CDH4: variants seen among roughly 807,000 people sequenced by gnomAD.
CDH4 encodes cadherin 4.
Under a neutral mutation model 86.0 loss-of-function variants are expected in CDH4, and 33 were observed. The observed-to-expected ratio is 0.38, with a 90% CI of 0.29 to 0.51. CDH4 has a LOEUF of 0.51. CDH4 is among the 20% of genes least tolerant of loss of function. The pLI is 0.86. For synonymous variants in CDH4, 555 were observed against 549.4 expected (o/e 1.01, Z -0.14); for missense variants, 1,114 against 1,307.4 (o/e 0.85, Z 2.28).
At chr20:61,294,453 C>T (rs1568785648) in intron 2 of CDH4, among the ~76,000 whole-genome samples, 1 of 152,188 alleles carries the variant, frequency 6.6e-6, no homozygotes, top group South Asian at 2.1e-4. Context: ...ATCCTACTCA[C>T]AGCTCCCAGA....
chr20:61,628,444 T>C (rs1272504019), intron 2 of CDH4, among the ~76,000 whole-genome samples: 1 of 152,178 alleles, frequency 6.6e-6, no homozygotes, highest in African/African-American at 2.4e-5. Flanking sequence ...CATTCATTCA[T>C]TCATTCATTC....
intron 4 of CDH4, among the ~76,000 whole-genome samples, chr20:61,827,762 C>T (rs1370201890): frequency 6.6e-6 from 1 of 152,172 alleles, no homozygotes; most frequent in Non-Finnish European, 1.5e-5. Context: ...AACACTTTGT[C>T]ACACCAGCAG....
At chr20:61,878,864 G>A (rs74731941) in intron 7 of CDH4, among the ~76,000 whole-genome samples, 3,055 of 152,272 alleles carry the variant, frequency 0.02, 116 homozygotes, top group African/African-American at 0.069. Flanking sequence ...AAGACTCGGC[G>A]GGGGTGTGCC....
chr20:61,724,334 T>A (rs2088084812), intron 2 of CDH4, among the ~76,000 whole-genome samples: 1 of 152,174 alleles, frequency 6.6e-6, no homozygotes, highest in Non-Finnish European at 1.5e-5. Flanking sequence ...AGCCAGCGCC[T>A]GTGTTGTAGG....
chr20:61,632,052 G>A (rs1204043582), intron 2 of CDH4, among the ~76,000 whole-genome samples: 2 of 152,242 alleles, frequency 1.3e-5, no homozygotes, highest in African/African-American at 4.8e-5. Flanking sequence ...CTGCTGACAC[G>A]TCAGATCATC....
chr20:61,718,671 C>T lies in CDH4; in HGVS notation c.170-24892C>T, dbSNP rs149954461. The T allele has an allele frequency of 9.1e-3, 3,573 of 391,600 alleles. 98 individuals carry two copies. The highest frequency in any genetic ancestry group is 0.036 in the Middle Eastern group (96 of 2,674). The allele number at this position is 391,600 out of a possible 1,614,324, so 24.3% of individuals were successfully genotyped here. A position where few individuals can be genotyped will look rare whatever the true frequency, so the allele number is the denominator to read the frequency against. On this transcript the variant is annotated intron_variant, in intron 2 of 15. Coordinates refer to ENST00000614565, the MANE Select transcript of CDH4 (RefSeq NM_001794.5). ...AATGGGACATTAACTTGAACCGAAGCCAGAGGAGCCTGCATGACACTGTGT... is the reference window on the plus strand; with the variant it reads ...AATGGGACATTAACTTGAACCGAAGTCAGAGGAGCCTGCATGACACTGTGT...
chr20:61,495,338 A>C (rs2085653033), intron 2 of CDH4, among the ~76,000 whole-genome samples: 1 of 152,156 alleles, frequency 6.6e-6, no homozygotes, highest in African/African-American at 2.4e-5. Context: ...ACAGCCTACG[A>C]ACCCCCAGGA....
intron 2 of CDH4, among the ~76,000 whole-genome samples, chr20:61,569,182 A>G (rs1371380405): frequency 6.6e-6 from 1 of 152,126 alleles, no homozygotes; most frequent in African/African-American, 2.4e-5. Context: ...AATGGGCCTC[A>G]TATTGCTCGC....
intron 2 of CDH4, among the ~76,000 whole-genome samples, chr20:61,535,848 T>C (rs1377534754): frequency 1.3e-5 from 2 of 152,212 alleles, no homozygotes; most frequent in Non-Finnish European, 2.9e-5. Context: ...TCGAACCCCC[T>C]GTTCCCGCTC....
intron 2 of CDH4, among the ~76,000 whole-genome samples, chr20:61,379,218 C>T (rs6121550): frequency 0.25 from 37,368 of 151,782 alleles, 4,983 homozygotes; most frequent in African/African-American, 0.34. Flanking sequence ...ATCTGCTCCT[C>T]GGAAGGGTCT....
rs886740879 is a variant in CDH4 at position 61,602,431 on chromosome 20, G to A, written c.170-141132G>A. Among the ~76,000 whole-genome samples the A allele has an allele frequency of 2.6e-5, 4 of 152,236 alleles. No homozygotes were observed. In the South Asian group the frequency reaches 8.3e-4, roughly 32 times the overall value. On this transcript the variant is annotated intron_variant, in intron 2 of 15. Coordinates refer to ENST00000614565, the MANE Select transcript of CDH4 (RefSeq NM_001794.5). The stretch of plus-strand genomic sequence containing the variant: ...GGGACTCCACTGTCATGAACAGCTG[G>A]ATGGACATCTTGGTGTAACAGGCCT...
chr20:61,759,005 A>G (rs1190286319), intron 3 of CDH4, among the ~76,000 whole-genome samples: 1 of 152,162 alleles, frequency 6.6e-6, no homozygotes, highest in Non-Finnish European at 1.5e-5. Flanking sequence ...GTGTATGCCC[A>G]CTTGTGAGTA....
chr20:61,851,258 G>A (rs1422342925), intron 5 of CDH4, among the ~76,000 whole-genome samples: 1 of 152,224 alleles, frequency 6.6e-6, no homozygotes, highest in Non-Finnish European at 1.5e-5. Context: ...CCTTACTACA[G>A]CACAGATTGC....
Position 61,709,152 on chromosome 20 carries a change from G to A in CDH4, c.170-34411G>A, listed in dbSNP as rs943510742. On this transcript the variant is annotated intron_variant, in intron 2 of 15. Coordinates refer to ENST00000614565, the MANE Select transcript of CDH4 (RefSeq NM_001794.5). The surrounding 1 kb of genome is among the most constrained non-coding windows in gnomAD (Gnocchi z 4.8). ...GCCGCCCAAATGATGAGCCCACAAC[G>A]CACCTGCCCCTCTCTCCAGGGGAGT... 3.3e-5 allele frequency among the ~76,000 whole-genome samples: 5 copies of A among 152,196 alleles called. No homozygotes were observed. Among genetic ancestry groups the A allele is most frequent in the East Asian group, 1.9e-4 (1 of 5,176 alleles).
At chr20:61,887,388 G>GCACA (rs145026017) in intron 7 of CDH4, among the ~76,000 whole-genome samples, 51 of 151,796 alleles carry the variant, frequency 3.4e-4, no homozygotes, top group Admixed American at 4.6e-4. Flanking sequence ...GCAGTCAGCT[G>GCACA]CACACACACA....
intron 8 of CDH4, among the ~76,000 whole-genome samples, chr20:61,901,705 T>C (rs1023651485): frequency 2.0e-5 from 3 of 152,246 alleles, no homozygotes; most frequent in African/African-American, 7.2e-5. Context: ...CGTCAAGGCC[T>C]CATTAGGACC....
intron 2 of CDH4, among the ~76,000 whole-genome samples, chr20:61,256,405 A>G (rs1250350078): frequency 1.3e-5 from 2 of 152,248 alleles, no homozygotes; most frequent in Non-Finnish European, 2.9e-5. Context: ...TGCTTACTAC[A>G]GAAGAGAATG....
In CDH4 at chr20:61,518,641, T is replaced by C. The variant is rs1425121835; in HGVS notation, c.170-224922T>C. On this transcript the variant is annotated intron_variant, in intron 2 of 15. Transcript: ENST00000614565. This position sits in a 1 kb window ranked among gnomAD's most constrained non-coding sequence, Gnocchi z 6.3. ...CATCCTTCATCCACCTAACCATTTA[T>C]CCATCCATTCATCCTTCCATCTATC... 6.6e-6 allele frequency among the ~76,000 whole-genome samples: 1 copy of C among 151,988 alleles called. No homozygotes were observed. Among genetic ancestry groups the C allele is most frequent in the African/African-American group, 2.4e-5 (1 of 41,358 alleles).
intron 2 of CDH4, chr20:61,718,749 T>A (rs1168466473): frequency 2.2e-6 from 1 of 461,776 alleles, no homozygotes; most frequent in Non-Finnish European, 4.5e-6. Flanking sequence ...GACACTAGGC[T>A]AACAGGCCAC....
Sources: gnomAD v4.1 joint callset for allele counts (sites outside exome capture counted in the v4.1 genomes callset) on GRCh38, gnomAD v4.1.1 for gene constraint, Gnocchi (gnomAD v3.1) non-coding constraint, MANE v1.5 for transcripts, NCBI Gene and HGNC (gene_info 2026-07-23, HGNC 2026-07-21) for gene names.